The following DSC3 variants were observed in gnomAD, a reference collection of about 807,000 sequenced individuals.
DSC3 encodes desmocollin-3.
Under a neutral mutation model 89.5 loss-of-function variants are expected in DSC3, and 97 were observed. The observed-to-expected ratio is 1.08, with a 90% CI of 0.92 to 1.28. The LOEUF is 1.28. Among genes scored for constraint, DSC3 ranks in the 50% most tolerant of loss-of-function variants. The pLI, the probability that DSC3 is intolerant of heterozygous loss-of-function variation, is 0.00. For missense variants in DSC3, 1,199 were observed against 1,085.3 expected, an observed-to-expected ratio of 1.10 and a Z score of -1.47; for synonymous variants, 436 against 384.1, an observed-to-expected ratio of 1.14 and a Z score of -1.58.
intron 9 of DSC3, among the ~76,000 whole-genome samples, chr18:31,013,997 T>C (rs1202384830): frequency 6.6e-6 from 1 of 152,166 alleles, no homozygotes; most frequent in Non-Finnish European, 1.5e-5. Context: ...CCATTTATAA[T>C]GAACTAGTTA....
chr18:31,028,108 A>T (rs1000373688), intron 4 of DSC3, among the ~76,000 whole-genome samples: 2 of 152,268 alleles, frequency 1.3e-5, no homozygotes, highest in South Asian at 4.1e-4. Context: ...AATAGTATTT[A>T]GAGTTATGAG....
At chr18:31,000,309 T>TTATTCATCCC (rs1211039821) in intron 14 of DSC3, among the ~76,000 whole-genome samples, 1 of 152,218 alleles carries the variant, frequency 6.6e-6, no homozygotes, top group African/African-American at 2.4e-5. Flanking sequence ...GAAATATTTC[T>TTATTCATCCC]TATTCATCCC....
At chr18:30,995,154 C>T (rs975225717) in intron 15 of DSC3, among the ~76,000 whole-genome samples, 40 of 152,204 alleles carry the variant, frequency 2.6e-4, no homozygotes, top group African/African-American at 9.7e-4. Flanking sequence ...CGTCAACTGC[C>T]ATGTCTCCTC....
At chr18:31,017,962 A>C in intron 9 of DSC3, 109 bp downstream of exon 9, 1 of 916,044 alleles carries the variant, frequency 1.1e-6, no homozygotes, top group Non-Finnish European at 1.7e-6. Flanking sequence ...TAGATTTTAA[A>C]TTTTCTTCCA....
intron 9 of DSC3, among the ~76,000 whole-genome samples, chr18:31,009,505 C>T (rs771167418): frequency 6.6e-6 from 1 of 152,170 alleles, no homozygotes; most frequent in Admixed American, 6.5e-5. Context: ...AAACCTTTAT[C>T]CATCCATGCC....
At chr18:30,994,970 C>T (rs193289959) in intron 15 of DSC3, among the ~76,000 whole-genome samples, 5 of 152,312 alleles carry the variant, frequency 3.3e-5, no homozygotes, top group Non-Finnish European at 7.4e-5. Flanking sequence ...ACATTAACTT[C>T]AGAAGCAAGT....
chr18:31,042,485 G>A (rs1986165829), intron 1 of DSC3, 107 bp downstream of exon 1: 1 of 1,165,426 alleles, frequency 8.6e-7, no homozygotes, highest in African/African-American at 1.5e-5. Context: ...ATTGATCTGA[G>A]CCGCGGTTGT....
At chr18:31,008,868 G>C (rs1984961707) in intron 9 of DSC3, among the ~76,000 whole-genome samples, 1 of 152,094 alleles carries the variant, frequency 6.6e-6, no homozygotes, top group Non-Finnish European at 1.5e-5. Flanking sequence ...TGTCTAACAG[G>C]CTGGGCTAAC....
intron 9 of DSC3, among the ~76,000 whole-genome samples, chr18:31,014,486 G>A (rs1043571535): frequency 6.6e-6 from 1 of 151,834 alleles, no homozygotes; most frequent in Non-Finnish European, 1.5e-5. Context: ...TTGAATTTTT[G>A]TTTCTTTTGA....
chr18:31,019,049 A>G (rs1357264955), intron 7 of DSC3, among the ~76,000 whole-genome samples: 1 of 152,226 alleles, frequency 6.6e-6, no homozygotes, highest in African/African-American at 2.4e-5. Context: ...TAATAGCGAA[A>G]AGGTTTTTGG....
chr18:30,991,617 G>C lies in DSC3; in HGVS notation c.*2558C>G, dbSNP rs1984245288. 6.6e-6 allele frequency: 1 copy of C among 152,148 alleles called. No homozygotes were observed. Among genetic ancestry groups the C allele is most frequent in the Non-Finnish European group, 1.5e-5 (1 of 68,038 alleles). 9.4% of individuals were successfully genotyped at this position (152,148 alleles called of 1,614,324 possible). On this transcript the variant is annotated 3_prime_UTR_variant, in exon 16 of 16. Transcript: ENST00000360428. ...TTGGGGAGGTAGCAGGTTTTGATCG[G>C]TGAGTGAGGGAGTGAGCAAAACACA... is the stretch of plus-strand genomic sequence containing the variant.
At position 31,031,054 on chromosome 18, in the gene DSC3, T is replaced by G; in HGVS notation, c.273A>C (p.Lys91Asn). ...TARAVALSDKKRSFTIWLSDK... is the reference protein window; with the variant it reads ...TARAVALSDKNRSFTIWLSDK... The stretch of plus-strand genomic sequence containing the variant: ...CAGAAAGCCATATGGTAAATGATCT[T>G]TTCTTATCAGACAGCGCAACAGCCC... Residue 91 changes from lysine (K) to asparagine (N), a missense_variant, in exon 3 of 16, where the codon AAA (lysine) becomes AAC (asparagine). Coordinates refer to ENST00000360428, the MANE Select transcript of DSC3 (RefSeq NM_001941.5). 6.2e-7 allele frequency: 1 copy of G among 1,614,134 alleles called. No homozygotes were observed. Among genetic ancestry groups the G allele is most frequent in the Non-Finnish European group, 8.5e-7 (1 of 1,179,996 alleles).
chr18:31,007,160 T>A (rs763435233), intron 11 of DSC3, 29 bp from the exon 12 acceptor site: 1 of 1,537,862 alleles, frequency 6.5e-7, no homozygotes, highest in East Asian at 2.3e-5. Context: ...GGTTTAGTGT[T>A]ATTTTAAAAT....
chr18:30,997,069 A>C (rs760984096), intron 14 of DSC3, 21 bp from the exon 15 acceptor site: 1 of 1,614,024 alleles, frequency 6.2e-7, no homozygotes, highest in East Asian at 2.2e-5. Context: ...AAAATGAAAT[A>C]ATTCATGTTG....
At chr18:31,042,523 T>C in intron 1 of DSC3, 69 bp downstream of exon 1, 1 of 1,466,158 alleles carries the variant, frequency 6.8e-7, no homozygotes, top group Non-Finnish European at 9.3e-7. Flanking sequence ...TGTCCCCAGC[T>C]CCGTGCAGCG....
chr18:31,012,655 C>A (rs1221160901), intron 9 of DSC3, among the ~76,000 whole-genome samples: 1 of 152,076 alleles, frequency 6.6e-6, no homozygotes, highest in South Asian at 2.1e-4. Context: ...ATAAATAAAT[C>A]TTTTAATTCA....
At chr18:31,011,633 G>T (rs1399228198) in intron 9 of DSC3, among the ~76,000 whole-genome samples, 1 of 152,064 alleles carries the variant, frequency 6.6e-6, no homozygotes, top group African/African-American at 2.4e-5. Context: ...CAGAAACATG[G>T]ATTTTGAACA....
chr18:30,992,391 T>C lies in DSC3; in HGVS notation c.*1784A>G, dbSNP rs1457119404. 1 of 152,236 alleles carries C rather than the reference T, an allele frequency of 6.6e-6. No individual in the cohort carries two copies. Among genetic ancestry groups the C allele is most frequent in the African/African-American group, 2.4e-5 (1 of 41,456 alleles). The allele number at this position is 152,236 out of a possible 1,614,324, so 9.4% of individuals were successfully genotyped here. On this transcript the variant is annotated 3_prime_UTR_variant, in exon 16 of 16. Transcript: ENST00000360428. The stretch of plus-strand genomic sequence containing the variant: ...AACCAGTTCAGGCTCATCCTGCAAA[T>C]GCCTTCAGACTCATCATGCAGTCAG...
rs1043359806 is a variant in DSC3 at position 30,991,574 on chromosome 18, A to G, written c.*2601T>C. ...TACTGGTTGCTCTTTGAGAAAGTTTATCGGCACTAGTAAAGTCTTGGGGAG... is the reference window on the plus strand; with the variant it reads ...TACTGGTTGCTCTTTGAGAAAGTTTGTCGGCACTAGTAAAGTCTTGGGGAG... On this transcript the variant is annotated 3_prime_UTR_variant, in exon 16 of 16. Transcript: ENST00000360428. The G allele has an allele frequency of 3.3e-5, 5 of 152,316 alleles. No homozygotes were observed. The highest frequency in any genetic ancestry group is 2.0e-4 in the Admixed American group (3 of 15,298). The allele number at this position is 152,316 out of a possible 1,614,324, so 9.4% of individuals were successfully genotyped here.
Sources: allele counts gnomAD v4.1 joint callset (sites outside exome capture counted in the v4.1 genomes callset), GRCh38; gene constraint gnomAD v4.1.1; transcripts MANE v1.5; gene names NCBI Gene and HGNC (gene_info 2026-07-23, HGNC 2026-07-21).